CADPS: variants seen among roughly 807,000 people sequenced by gnomAD.
CADPS encodes the protein calcium dependent secretion activator.
In CADPS, 57 loss-of-function variants were observed where a neutral mutation model predicts 167.3. The observed-to-expected ratio is 0.34, with a 90% CI of 0.28 to 0.42. The LOEUF (loss-of-function observed/expected upper bound fraction) is 0.42. Ranked by LOEUF, CADPS falls within the 20% of genes least tolerant of loss-of-function variation. CADPS has a pLI of 1.00. For missense variants in CADPS, 1,414 were observed against 1,738.1 expected (o/e 0.81, Z 3.32); for synonymous variants, 676 against 635.3 (o/e 1.06, Z -0.96).
intron 1 of CADPS, among the ~76,000 whole-genome samples, chr3:62,860,325 A>G (rs555165417): frequency 1.4e-4 from 22 of 152,294 alleles, no homozygotes; most frequent in African/African-American, 5.3e-4. Context: ...CTTACCGTAA[A>G]CCAAAATCTC....
intron 6 of CADPS, among the ~76,000 whole-genome samples, chr3:62,639,383 G>C (rs574993319): frequency 6.6e-6 from 1 of 152,260 alleles, no homozygotes; most frequent in African/African-American, 2.4e-5. Flanking sequence ...GGAGTGTCAA[G>C]ACAGGAAAGG....
chr3:62,680,625 C>T (rs1410315237), intron 3 of CADPS, among the ~76,000 whole-genome samples: 2 of 152,038 alleles, frequency 1.3e-5, no homozygotes, highest in Non-Finnish European at 2.9e-5. Flanking sequence ...GATAGTGGCT[C>T]AACTTGTCTC....
At chr3:62,643,946 T>C (rs536397788) in intron 6 of CADPS, among the ~76,000 whole-genome samples, 2 of 152,308 alleles carry the variant, frequency 1.3e-5, no homozygotes, top group East Asian at 3.9e-4. Flanking sequence ...TTATTGTCAG[T>C]TTGAAACTTG....
chr3:62,746,114 T>G (rs567506890), intron 3 of CADPS, among the ~76,000 whole-genome samples: 1 of 152,298 alleles, frequency 6.6e-6, no homozygotes, highest in Non-Finnish European at 1.5e-5. Context: ...AAACAATGTT[T>G]GGATGCCTCC....
At chr3:62,790,861 C>T (rs1047979953) in intron 1 of CADPS, among the ~76,000 whole-genome samples, 2 of 151,984 alleles carry the variant, frequency 1.3e-5, no homozygotes, top group African/African-American at 2.4e-5. Context: ...TGCAGATACA[C>T]CCTCATATAT....
chr3:62,403,194 A>G lies in CADPS; in HGVS notation c.3778-9T>C. On this transcript the variant is annotated splice_polypyrimidine_tract_variant and intron_variant, in intron 28 of 29. Coordinates refer to ENST00000383710, the MANE Select transcript of CADPS (RefSeq NM_003716.4). ...GAGCTGTTGTACCATTGCTGAAAAAAGAGACAAAAGTTCTCCAGCCAACAC... is the reference window on the plus strand; with the variant it reads ...GAGCTGTTGTACCATTGCTGAAAAAGGAGACAAAAGTTCTCCAGCCAACAC... The G allele has an allele frequency of 1.9e-6, 3 of 1,600,968 alleles. No individual in the cohort carries two copies. Among genetic ancestry groups the G allele is most frequent in the Non-Finnish European group, 1.7e-6 (2 of 1,168,594 alleles).
chr3:62,529,958 A>G (rs2073269935), intron 13 of CADPS, among the ~76,000 whole-genome samples: 1 of 152,218 alleles, frequency 6.6e-6, no homozygotes, highest in Admixed American at 6.5e-5. Context: ...AAAACTGGAA[A>G]TAATTAGTAA....
At chr3:62,725,996 G>A (rs752464614) in intron 3 of CADPS, among the ~76,000 whole-genome samples, 1 of 151,766 alleles carries the variant, frequency 6.6e-6, no homozygotes, top group South Asian at 2.1e-4. Flanking sequence ...TCATCACATG[G>A]TGGCAAACCG....
At chr3:62,503,343 C>T (rs1316954807) in intron 17 of CADPS, among the ~76,000 whole-genome samples, 1 of 152,212 alleles carries the variant, frequency 6.6e-6, no homozygotes, top group East Asian at 1.9e-4. Context: ...TTAGTTTCCT[C>T]ATCTATAAAT....
chr3:62,715,680 C>A (rs538831286), intron 3 of CADPS, among the ~76,000 whole-genome samples: 9 of 151,020 alleles, frequency 6.0e-5, no homozygotes, highest in Non-Finnish European at 1.2e-4. Flanking sequence ...TCACGTTTAT[C>A]CCTTGCTTGT....
intron 1 of CADPS, among the ~76,000 whole-genome samples, chr3:62,793,927 C>T (rs1033923179): frequency 1.3e-5 from 2 of 152,102 alleles, no homozygotes; most frequent in African/African-American, 4.8e-5. Flanking sequence ...CTGTGGAACT[C>T]CCTGGGGTGT....
At chr3:62,464,947 C>A (rs1486666552) in intron 26 of CADPS, among the ~76,000 whole-genome samples, 2 of 152,146 alleles carry the variant, frequency 1.3e-5, no homozygotes, top group Admixed American at 1.3e-4. Context: ...ACATACTTGA[C>A]ACAGTGAGGA....
In CADPS at chr3:62,874,822, T is replaced by C. The variant is rs1158794212; in HGVS notation, c.208A>G (p.Ser70Gly). 2 of 1,061,904 alleles carry C rather than the reference T, an allele frequency of 1.9e-6. No individual in the cohort carries two copies. Among genetic ancestry groups the C allele is most frequent in the Non-Finnish European group, 2.3e-6 (2 of 867,918 alleles). The allele number at this position is 1,061,904 out of a possible 1,614,324, so 65.8% of individuals were successfully genotyped here. A position where few individuals can be genotyped will look rare whatever the true frequency, so the allele number is the denominator to read the frequency against. ...AGCCCCCCGGCCCCGCCGCCGCTGC[T>C]CGCGCCGCTGCCCCCGCCGCCGCCT... Reference protein sequence around the residue: ...GAGGGGGSGASSGGGAGGLQP... With the variant: ...GAGGGGGSGAGSGGGAGGLQP... Residue 70 changes from serine (S) to glycine (G), a missense_variant, in exon 1 of 30, where the codon AGC becomes GGC. Physicochemically the swap from Ser to Gly is moderately conservative, Grantham distance 56 (BLOSUM62 0). Transcript: ENST00000383710. The surrounding 1 kb of genome is among the most constrained non-coding windows in gnomAD (Gnocchi z 7.1).
chr3:62,722,084 A>G (rs2075946276), intron 3 of CADPS, among the ~76,000 whole-genome samples: 1 of 152,218 alleles, frequency 6.6e-6, no homozygotes, highest in South Asian at 2.1e-4. Flanking sequence ...ATTATAGTTG[A>G]GGAAATGCAG....
At chr3:62,571,948 T>C (rs2081368461) in intron 8 of CADPS, among the ~76,000 whole-genome samples, 2 of 152,150 alleles carry the variant, frequency 1.3e-5, no homozygotes, top group African/African-American at 4.8e-5. Context: ...GATCTAGGAA[T>C]CCAGGCCTGG....
chr3:62,640,071 T>C (rs969469204), intron 6 of CADPS, among the ~76,000 whole-genome samples: 2 of 152,230 alleles, frequency 1.3e-5, no homozygotes, highest in East Asian at 1.9e-4. Flanking sequence ...GTTTGAGATA[T>C]GTTATTCACA....
intron 3 of CADPS, among the ~76,000 whole-genome samples, chr3:62,750,807 C>A (rs78870269): frequency 0.015 from 2,331 of 152,280 alleles, 65 homozygotes; most frequent in African/African-American, 0.052. Context: ...ACATGGCAAG[C>A]CTTCTTCTTT....
chr3:62,867,272 C>T (rs558679847), intron 1 of CADPS, among the ~76,000 whole-genome samples: 26 of 152,046 alleles, frequency 1.7e-4, no homozygotes, highest in Admixed American at 3.9e-4. Flanking sequence ...CTCATAGTGG[C>T]TATGAAGAAA....
chr3:62,447,358 C>T (rs2057374792), intron 26 of CADPS, among the ~76,000 whole-genome samples: 1 of 152,278 alleles, frequency 6.6e-6, no homozygotes, highest in Non-Finnish European at 1.5e-5. Context: ...ATTGCCAGCC[C>T]CCAAGACGAT....
Sources: allele counts gnomAD v4.1 joint callset (sites outside exome capture counted in the v4.1 genomes callset), GRCh38; gene constraint gnomAD v4.1.1; non-coding constraint Gnocchi (gnomAD v3.1); transcripts MANE v1.5; gene names NCBI Gene and HGNC (gene_info 2026-07-23, HGNC 2026-07-21).